The following MRPL48 variants were observed in gnomAD, a reference collection of about 807,000 sequenced individuals.
MRPL48 encodes mitochondrial ribosomal protein L48, also known as large ribosomal subunit protein mL48.
MRPL48 carries 16 observed loss-of-function variants against 32.9 expected under a neutral mutation model. That is an observed-to-expected ratio of 0.49 (90% CI 0.33 to 0.74). The LOEUF is 0.74. Ranked by LOEUF, MRPL48 falls within the 30% of genes least tolerant of loss-of-function variation. The pLI, the probability that MRPL48 is intolerant of heterozygous loss-of-function variation, is 0.02. For synonymous variants in MRPL48, 94 were observed against 89.2 expected (o/e 1.05, Z -0.31); for missense variants, 206 against 245.3 (o/e 0.84, Z 1.07).
chr11:73,841,443 T>G (rs775279778), intron 4 of MRPL48, among the ~76,000 whole-genome samples: 1 of 152,230 alleles, frequency 6.6e-6, no homozygotes, highest in East Asian at 1.9e-4. Flanking sequence ...ATTCATACAG[T>G]GGACTAGTAG....
chr11:73,857,520 T>A lies in MRPL48; in HGVS notation c.372-2387T>A, dbSNP rs149103449. Among the ~76,000 whole-genome samples, 680 of 149,588 alleles carry A rather than the reference T, an allele frequency of 4.5e-3. 8 individuals carry two copies. The highest frequency in any genetic ancestry group is 0.014 in the African/African-American group (568 of 40,538). On this transcript the variant is annotated intron_variant, in intron 5 of 7. Coordinates refer to ENST00000310614, the MANE Select transcript of MRPL48 (RefSeq NM_016055.6). ...GTCTTGAACTCCTGGGCTTAAGCAA[T>A]CCTCCTGTCTTGGCCTCCCAAAGTG...
rs553377531 is a variant in MRPL48, at chr11:73,809,444, C to T, written c.112+1094C>T. Among the ~76,000 whole-genome samples, 298 of 147,422 alleles carry T rather than the reference C, an allele frequency of 2.0e-3. 3 individuals carry two copies. The highest frequency in any genetic ancestry group is 6.9e-3 in the African/African-American group (276 of 39,716). On this transcript the variant is annotated intron_variant, in intron 3 of 7. Coordinates refer to ENST00000310614, the MANE Select transcript of MRPL48 (RefSeq NM_016055.6). ...GTTTGAACCCCGGAGGCAGAGGTTA[C>T]AGTAAGCCGAGATCATACCACTGCA... is the stretch of plus-strand genomic sequence containing the variant.
At chr11:73,851,934 C>T (rs1386508155) in intron 5 of MRPL48, among the ~76,000 whole-genome samples, 7 of 151,940 alleles carry the variant, frequency 4.6e-5, no homozygotes, top group African/African-American at 1.7e-4. Flanking sequence ...CACACACACA[C>T]ACACACACAG....
chr11:73,815,423 A>AG (rs1693639751), intron 3 of MRPL48, among the ~76,000 whole-genome samples: 1 of 152,140 alleles, frequency 6.6e-6, no homozygotes, highest in Admixed American at 6.6e-5. Context: ...TCAAAAAAAA[A>AG]AAATCTGTGT....
intron 3 of MRPL48, among the ~76,000 whole-genome samples, chr11:73,814,331 G>T (rs1184631421): frequency 3.3e-5 from 5 of 151,834 alleles, no homozygotes; most frequent in Non-Finnish European, 7.4e-5. Flanking sequence ...GACTGAAGTT[G>T]CAGTGAGCTA....
intron 1 of MRPL48, among the ~76,000 whole-genome samples, chr11:73,797,580 C>G (rs1181554995): frequency 6.6e-6 from 1 of 152,234 alleles, no homozygotes; most frequent in African/African-American, 2.4e-5. Context: ...CCTGGTCCGG[C>G]CTCGCAGAGA....
chr11:73,825,540 G>A (rs917694965), intron 3 of MRPL48, among the ~76,000 whole-genome samples, 168 bp from the exon 4 acceptor site: 3 of 151,796 alleles, frequency 2.0e-5, no homozygotes, highest in Non-Finnish European at 2.9e-5. Flanking sequence ...GGGGAGGGGG[G>A]TGTGGGCTGA....
chr11:73,788,092 A>G (rs1947075891), intron 1 of MRPL48, 100 bp downstream of exon 1: 1 of 1,541,020 alleles, frequency 6.5e-7, no homozygotes, highest in Non-Finnish European at 8.8e-7. Context: ...CGGCGCGCGG[A>G]CATCCGGGGA....
At chr11:73,825,064 G>T (rs11235921) in intron 3 of MRPL48, among the ~76,000 whole-genome samples, 12,021 of 152,178 alleles carry the variant, frequency 0.079, 616 homozygotes, top group East Asian at 0.19. Flanking sequence ...TATAGTTATT[G>T]TATGTTAAGG....
intron 3 of MRPL48, 77 bp downstream of exon 3, chr11:73,808,427 G>A: frequency 2.1e-6 from 3 of 1,426,402 alleles, no homozygotes; most frequent in Non-Finnish European, 2.9e-6. Flanking sequence ...TGCCTAGAAG[G>A]AAGCCTACCA....
chr11:73,794,532 G>C (rs1015078041), intron 1 of MRPL48, among the ~76,000 whole-genome samples: 17 of 150,482 alleles, frequency 1.1e-4, no homozygotes, highest in African/African-American at 3.9e-4. Context: ...TCCAGCCTGG[G>C]CAACAAGAGT....
At chr11:73,822,397 C>T (rs1246508300) in intron 3 of MRPL48, among the ~76,000 whole-genome samples, 1 of 152,176 alleles carries the variant, frequency 6.6e-6, no homozygotes, top group Non-Finnish European at 1.5e-5. Flanking sequence ...ATCTGCTTTC[C>T]TATCTTCCTT....
At chr11:73,830,295 C>T (rs1278905928) in intron 4 of MRPL48, among the ~76,000 whole-genome samples, 1 of 152,160 alleles carries the variant, frequency 6.6e-6, no homozygotes, top group African/African-American at 2.4e-5. Context: ...TCCAGATGAC[C>T]TTGGTTGCTT....
chr11:73,808,259 C>A, intron 2 of MRPL48, 54 bp from the exon 3 acceptor site: 1 of 1,519,792 alleles, frequency 6.6e-7, no homozygotes, highest in Non-Finnish European at 9.0e-7. Context: ...GCAAACTATG[C>A]AAATAAAATA....
In MRPL48 at chr11:73,825,064, G is replaced by A. The variant is rs11235921; in HGVS notation, c.113-644G>A. 3.3e-5 allele frequency among the ~76,000 whole-genome samples: 5 copies of A among 152,084 alleles called. No individual in the cohort carries two copies. The South Asian group carries it at 6.2e-4, about 19-fold the overall frequency. On this transcript the variant is annotated intron_variant, in intron 3 of 7. Coordinates refer to ENST00000310614, the MANE Select transcript of MRPL48 (RefSeq NM_016055.6). ...AGAAAGAGGTTTTAATATAGTTATT[G>A]TATGTTAAGGAAATTAGCATTTCTC... is the stretch of plus-strand genomic sequence containing the variant.
At chr11:73,791,790 C>T (rs374365384) in intron 1 of MRPL48, among the ~76,000 whole-genome samples, 26 of 152,170 alleles carry the variant, frequency 1.7e-4, no homozygotes, top group African/African-American at 5.8e-4. Context: ...TGGTAAATGT[C>T]GAATGAATAA....
At chr11:73,860,193 C>T (rs1042147571) in intron 6 of MRPL48, 184 bp downstream of exon 6, 3 of 525,570 alleles carry the variant, frequency 5.7e-6, no homozygotes, top group Admixed American at 6.5e-5. Context: ...TCATTCATTC[C>T]TTAGGCCTCA....
At chr11:73,843,685 A>G (rs1948233403) in intron 4 of MRPL48, among the ~76,000 whole-genome samples, 1 of 152,218 alleles carries the variant, frequency 6.6e-6, no homozygotes, top group Non-Finnish European at 1.5e-5. Context: ...GTAGAAGAGA[A>G]CTAATGCTGA....
chr11:73,815,415 A>C (rs1947646113), intron 3 of MRPL48, among the ~76,000 whole-genome samples: 3 of 123,638 alleles, frequency 2.4e-5, no homozygotes, highest in Admixed American at 2.3e-4. Context: ...ACTCCATCTC[A>C]AAAAAAAAAA....
Sources: allele counts gnomAD v4.1 joint callset (sites outside exome capture counted in the v4.1 genomes callset), GRCh38; gene constraint gnomAD v4.1.1; transcripts MANE v1.5; gene names NCBI Gene and HGNC (gene_info 2026-07-23, HGNC 2026-07-21).